WDFY3: variants seen among roughly 807,000 people sequenced by gnomAD.
WDFY3 encodes WD repeat and FYVE domain-containing protein 3.
In WDFY3, 66 loss-of-function variants were observed where a neutral mutation model predicts 409.6. That is an observed-to-expected ratio of 0.16 (90% CI 0.13 to 0.20). The LOEUF (loss-of-function observed/expected upper bound fraction) is 0.20, where lower values mean the gene tolerates loss of function less well. Among genes scored for constraint, WDFY3 ranks in the 10% least tolerant of loss-of-function variants. WDFY3 has a pLI of 1.00. For synonymous variants in WDFY3, 1,521 were observed against 1,537.1 expected (o/e 0.99, Z 0.25); for missense variants, 3,031 against 4,298.1 (o/e 0.71, Z 8.24).
chr4:84,698,979 C>CG (rs1427045022), intron 56 of WDFY3, among the ~76,000 whole-genome samples: 1 of 152,122 alleles, frequency 6.6e-6, no homozygotes, highest in Non-Finnish European at 1.5e-5. Context: ...TGAGCCACTG[C>CG]GACCAGCCCC....
Position 84,733,523 on chromosome 4 carries a change from A to C in WDFY3, c.7080T>G (p.Pro2360=). The C allele has an allele frequency of 1.9e-6, 3 of 1,613,974 alleles. No homozygotes were observed. Among genetic ancestry groups the C allele is most frequent in the Non-Finnish European group, 2.5e-6 (3 of 1,179,958 alleles). The change falls in exon 44 of 68, where the codon CCT becomes CCG. Residue 2360 remains proline (P), a synonymous_variant. Transcript: ENST00000295888. Reference sequence around the variant, plus strand: ...ACTTGTCGAGGTGGGAGCCGATGGGAGGGCCCCACAGCCCCCGCTCCCTCA... The same window carrying C: ...ACTTGTCGAGGTGGGAGCCGATGGGCGGGCCCCACAGCCCCCGCTCCCTCA... ...ELLRERGLWG[P]PIGSHLDKWM... is the part of the protein sequence containing the mutation.
At chr4:84,830,443 T>C (rs1490258073) in intron 8 of WDFY3, among the ~76,000 whole-genome samples, 3 of 152,204 alleles carry the variant, frequency 2.0e-5, no homozygotes, top group African/African-American at 4.8e-5. Context: ...ACTTTCAGGG[T>C]AGGCTAGGCT....
chr4:84,702,527 CT>C, intron 55 of WDFY3, 21 bp from the exon 56 acceptor site: 1 of 1,570,890 alleles, frequency 6.4e-7, no homozygotes, highest in Non-Finnish European at 8.6e-7. Context: ...AATAAGACAC[CT>C]CTCTATTAGA....
Position 84,753,784 on chromosome 4 carries a change from G to A in WDFY3, c.5652C>T (p.Asp1884=). ...FFRYLYHNVP[D]LASMWMSPDF... is the part of the protein sequence containing the mutation. ...CAGGGCTCATCCACATGGAGGCAAG[G>A]TCTGGCACGTTGTGATACAAATATC... Residue 1884 remains aspartate (D), a synonymous_variant, in exon 35 of 68, where the codon GAC becomes GAT. Transcript: ENST00000295888. 11 of 1,612,696 alleles carry A rather than the reference G, an allele frequency of 6.8e-6. No individual in the cohort carries two copies. The highest frequency in any genetic ancestry group is 9.3e-6 in the Non-Finnish European group (11 of 1,179,422).
At chr4:84,894,822 C>G (rs2150550406) in intron 3 of WDFY3, among the ~76,000 whole-genome samples, 1 of 151,060 alleles carries the variant, frequency 6.6e-6, no homozygotes, top group African/African-American at 2.4e-5. Flanking sequence ...TAGTGGCACA[C>G]ACCTGTAATT....
At chr4:84,676,534 G>GT (rs899344844) in intron 67 of WDFY3, among the ~76,000 whole-genome samples, 1 of 151,492 alleles carries the variant, frequency 6.6e-6, no homozygotes, top group African/African-American at 2.4e-5. Context: ...TCTAGCTTGT[G>GT]TATTAGAAGG....
At chr4:84,900,968 G>T (rs1766263917) in intron 2 of WDFY3, among the ~76,000 whole-genome samples, 1 of 152,228 alleles carries the variant, frequency 6.6e-6, no homozygotes, top group Non-Finnish European at 1.5e-5. Context: ...TGTAGGCTGA[G>T]AAATCTAAGA....
chr4:84,674,893 G>GAT lies in WDFY3; in HGVS notation c.10458-1904_10458-1903dup, dbSNP rs767907203. 4.9e-3 allele frequency among the ~76,000 whole-genome samples: 729 copies of GAT among 150,172 alleles called. 2 individuals are homozygous for GAT. Among genetic ancestry groups the GAT allele is most frequent in the African/African-American group, 0.016 (648 of 41,030 alleles). ...AAAAAAAATAAAAATAAAAATAAAA[G>GAT]ATATATATATATATGTCTAGCGGCT... On this transcript the variant is annotated intron_variant, in intron 67 of 67. Coordinates refer to ENST00000295888, the MANE Select transcript of WDFY3 (RefSeq NM_014991.6).
At chr4:84,718,607 T>C in intron 47 of WDFY3, 37 bp from the exon 48 acceptor site, 1 of 1,587,382 alleles carries the variant, frequency 6.3e-7, no homozygotes, top group Non-Finnish European at 8.6e-7. Flanking sequence ...TAATATAGGC[T>C]TTTTGTAAAG....
chr4:84,724,657 T>C, intron 45 of WDFY3, 63 bp from the exon 46 acceptor site: 1 of 1,558,706 alleles, frequency 6.4e-7, no homozygotes, highest in Non-Finnish European at 8.7e-7. Flanking sequence ...CGTAATATTC[T>C]TGAGGGAAGG....
chr4:84,821,733 CAA>C (rs1754093315), intron 10 of WDFY3, among the ~76,000 whole-genome samples, 182 bp from the exon 11 acceptor site: 1 of 152,106 alleles, frequency 6.6e-6, no homozygotes, highest in African/African-American at 2.4e-5. Flanking sequence ...TTAAAAATAA[CAA>C]TGATTAAAAC....
intron 5 of WDFY3, 136 bp from the exon 6 acceptor site, chr4:84,841,399 A>T (rs905168380): frequency 4.4e-6 from 3 of 684,774 alleles, no homozygotes; most frequent in Non-Finnish European, 7.2e-6. Flanking sequence ...GAAAAACTTT[A>T]AAAATAGCAA....
intron 3 of WDFY3, among the ~76,000 whole-genome samples, chr4:84,878,396 G>A (rs1763063259): frequency 6.6e-6 from 1 of 151,992 alleles, no homozygotes; most frequent in Non-Finnish European, 1.5e-5. Context: ...AGATTGTGCA[G>A]AATTACACTG....
At chr4:84,893,533 T>C (rs369706596) in intron 3 of WDFY3, among the ~76,000 whole-genome samples, 1 of 152,250 alleles carries the variant, frequency 6.6e-6, no homozygotes, top group Non-Finnish European at 1.5e-5. Flanking sequence ...CCATTTTGAA[T>C]GGAATCCTTT....
intron 62 of WDFY3, among the ~76,000 whole-genome samples, chr4:84,685,167 A>T (rs1306998352): frequency 2.6e-5 from 4 of 152,172 alleles, no homozygotes; most frequent in Non-Finnish European, 4.4e-5. Context: ...TACCCTCAGG[A>T]GATATATAAG....
At chr4:84,870,182 A>G (rs1316817053) in intron 3 of WDFY3, among the ~76,000 whole-genome samples, 1 of 152,244 alleles carries the variant, frequency 6.6e-6, no homozygotes, top group Non-Finnish European at 1.5e-5. Context: ...AACATGTACT[A>G]ATATGAAAAG....
chr4:84,731,095 C>T lies in WDFY3; in HGVS notation c.7221+2287G>A, dbSNP rs115903946. Among the ~76,000 whole-genome samples the T allele has an allele frequency of 3.4e-3, 518 of 152,158 alleles. 2 individuals carry two copies. Among genetic ancestry groups the T allele is most frequent in the African/African-American group, 0.011 (470 of 41,518 alleles). On this transcript the variant is annotated intron_variant, in intron 44 of 67. Transcript: ENST00000295888. ...TACAGGTGTGAGCCACTGCGCCTGG[C>T]AAAAGTCTCATTATGTTTTAAGAAA...
intron 3 of WDFY3, among the ~76,000 whole-genome samples, chr4:84,889,511 G>A (rs960669235): frequency 1.3e-5 from 2 of 152,104 alleles, no homozygotes; most frequent in African/African-American, 4.8e-5. Context: ...AAAAATTCTG[G>A]TTTGATTCAC....
rs368401745 is a variant in WDFY3, at chr4:84,820,055, A to G, written c.1693+30T>C. On this transcript the variant is annotated intron_variant, in intron 12 of 67. Transcript: ENST00000295888. ...AAGATGTAATCAGTGGTAATCTCCC[A>G]AAGTATTTGCTTGCAGCTTTTTAAA... 2.6e-5 allele frequency: 40 copies of G among 1,564,130 alleles called. No individual in the cohort carries two copies. The African/African-American group carries it at 2.6e-4, about 10-fold the overall frequency.
Sources: gnomAD v4.1 joint callset for allele counts (sites outside exome capture counted in the v4.1 genomes callset) on GRCh38, gnomAD v4.1.1 for gene constraint, MANE v1.5 for transcripts, NCBI Gene and HGNC (gene_info 2026-07-23, HGNC 2026-07-21) for gene names.